Variants in CCSER1 observed in about 807,000 individuals in gnomAD.
CCSER1 encodes serine-rich coiled-coil domain-containing protein 1.
A neutral mutation model predicts 82.0 loss-of-function variants in CCSER1; 41 were observed. The observed-to-expected ratio is 0.50, with a 90% CI of 0.39 to 0.65. The LOEUF is 0.65. Ranked by LOEUF, CCSER1 falls within the 30% of genes least tolerant of loss-of-function variation. CCSER1 has a pLI of 0.00. For synonymous variants in CCSER1, 414 were observed against 383.9 expected (o/e 1.08, Z -0.92); for missense variants, 1,119 against 1,064.2 (o/e 1.05, Z -0.72).
At chr4:91,055,866 T>A (rs1903495) in intron 9 of CCSER1, among the ~76,000 whole-genome samples, 10,106 of 148,474 alleles carry the variant, frequency 0.068, 1,012 homozygotes, top group African/African-American at 0.22. Flanking sequence ...TCCCTTGTGC[T>A]CTGATCACTT....
chr4:90,261,867 T>C (rs546746220), intron 1 of CCSER1, among the ~76,000 whole-genome samples: 2 of 152,280 alleles, frequency 1.3e-5, no homozygotes, highest in East Asian at 3.9e-4. Flanking sequence ...TGAAATGTTT[T>C]CTTATACTTA....
intron 10 of CCSER1, among the ~76,000 whole-genome samples, chr4:91,204,181 C>T (rs1405240870): frequency 1.3e-5 from 2 of 151,680 alleles, no homozygotes; most frequent in Admixed American, 6.6e-5. Context: ...GGTCTCTGTC[C>T]TCAACGGGGT....
At chr4:90,200,949 T>C (rs1560787046) in intron 1 of CCSER1, among the ~76,000 whole-genome samples, 1 of 152,090 alleles carries the variant, frequency 6.6e-6, no homozygotes, top group Non-Finnish European at 1.5e-5. Context: ...ATCAGCAGCA[T>C]TTTTTATTTA....
intron 10 of CCSER1, among the ~76,000 whole-genome samples, chr4:91,229,654 T>C (rs796186170): frequency 1.7e-4 from 26 of 152,164 alleles, no homozygotes; most frequent in African/African-American, 5.8e-4. Context: ...ACTATGCACC[T>C]GTAAAAAAGA....
chr4:91,168,556 C>T (rs969123051), intron 10 of CCSER1, among the ~76,000 whole-genome samples: 1 of 148,876 alleles, frequency 6.7e-6, no homozygotes, highest in Non-Finnish European at 1.5e-5. Context: ...CCCGGCTGCC[C>T]ATCATCTGGG....
intron 8 of CCSER1, among the ~76,000 whole-genome samples, chr4:90,858,813 G>T (rs1157058526): frequency 6.6e-6 from 1 of 151,902 alleles, no homozygotes; most frequent in African/African-American, 2.4e-5. Flanking sequence ...CTTAGGAAAT[G>T]ATTCTGCCCT....
chr4:91,209,503 A>G (rs1046011898), intron 10 of CCSER1, among the ~76,000 whole-genome samples: 5 of 151,934 alleles, frequency 3.3e-5, no homozygotes, highest in Non-Finnish European at 7.4e-5. Flanking sequence ...TGTTTATGCG[A>G]TGAATCACAT....
chr4:91,576,707 T>C (rs1763468517), intron 10 of CCSER1, among the ~76,000 whole-genome samples: 1 of 152,000 alleles, frequency 6.6e-6, no homozygotes, highest in Non-Finnish European at 1.5e-5. Context: ...TTATACACTT[T>C]ATACACACAG....
chr4:91,215,836 A>G (rs1160077541), intron 10 of CCSER1, among the ~76,000 whole-genome samples: 1 of 152,200 alleles, frequency 6.6e-6, no homozygotes, highest in East Asian at 1.9e-4. Flanking sequence ...GATCTATGCT[A>G]TTATTAAAAT....
chr4:91,184,405 C>T (rs1734334054), intron 10 of CCSER1, among the ~76,000 whole-genome samples: 1 of 152,062 alleles, frequency 6.6e-6, no homozygotes, highest in Admixed American at 6.6e-5. Flanking sequence ...TATTAAAGGC[C>T]AATTTTTTGG....
intron 5 of CCSER1, among the ~76,000 whole-genome samples, chr4:90,549,379 A>G (rs1400601902): frequency 3.3e-5 from 5 of 152,210 alleles, no homozygotes; most frequent in African/African-American, 1.2e-4. Flanking sequence ...TGAAGAAAGT[A>G]AGAAGTGCCA....
intron 10 of CCSER1, among the ~76,000 whole-genome samples, chr4:91,433,201 C>T (rs892184361): frequency 2.6e-5 from 4 of 152,074 alleles, no homozygotes; most frequent in Admixed American, 6.6e-5. Context: ...AAAGTATAGT[C>T]GTGTGCCATG....
intron 7 of CCSER1, among the ~76,000 whole-genome samples, chr4:90,793,600 T>A (rs146898972): frequency 1.4e-3 from 211 of 152,338 alleles, no homozygotes; most frequent in African/African-American, 4.6e-3. Context: ...TGATTCCACG[T>A]CTTTGCCATT....
intron 10 of CCSER1, among the ~76,000 whole-genome samples, chr4:91,543,541 T>G (rs1353574680): frequency 6.6e-6 from 1 of 152,170 alleles, no homozygotes; most frequent in Non-Finnish European, 1.5e-5. Flanking sequence ...TAAAGGATTT[T>G]CTTTCTCTTT....
At chr4:90,264,688 CTT>C (rs33922965) in intron 1 of CCSER1, among the ~76,000 whole-genome samples, 4 of 151,148 alleles carry the variant, frequency 2.6e-5, no homozygotes, top group African/African-American at 4.9e-5. Flanking sequence ...GTCTAATACA[CTT>C]TTTTTTTTAT....
At chr4:90,156,877 A>G (rs1209481816) in intron 1 of CCSER1, among the ~76,000 whole-genome samples, 1 of 152,202 alleles carries the variant, frequency 6.6e-6, no homozygotes, top group South Asian at 2.1e-4. Context: ...AGTTACATTT[A>G]AAGTTAATAT....
At chr4:91,472,927 G>A (rs1480361349) in intron 10 of CCSER1, among the ~76,000 whole-genome samples, 1 of 152,128 alleles carries the variant, frequency 6.6e-6, no homozygotes, top group Non-Finnish European at 1.5e-5. Flanking sequence ...ACTGTCAAAG[G>A]AGCAGATAGG....
rs1316357628 is a variant in CCSER1 at position 91,600,292 on chromosome 4, T to A, written c.*1235T>A. 6.6e-6 allele frequency: 1 copy of A among 152,178 alleles called. No individual in the cohort carries two copies. Among genetic ancestry groups the A allele is most frequent in the Non-Finnish European group, 1.5e-5 (1 of 68,020 alleles). The allele number at this position is 152,178 out of a possible 1,614,324, so 9.4% of individuals were successfully genotyped here. ...AATTGATCTATGGATAATTCCATCA[T>A]GTTCAATTAGTAGCAGAGCAGAATC... On this transcript the variant is annotated 3_prime_UTR_variant, in exon 11 of 11. Transcript: ENST00000509176.
At chr4:90,787,191 A>T (rs1274948088) in intron 7 of CCSER1, among the ~76,000 whole-genome samples, 1 of 152,174 alleles carries the variant, frequency 6.6e-6, no homozygotes, top group Non-Finnish European at 1.5e-5. Flanking sequence ...CCTCCAGGAT[A>T]TGAGGTGGGA....
Sources: gnomAD v4.1 joint callset for allele counts (sites outside exome capture counted in the v4.1 genomes callset) on GRCh38, gnomAD v4.1.1 for gene constraint, MANE v1.5 for transcripts, NCBI Gene and HGNC (gene_info 2026-07-23, HGNC 2026-07-21) for gene names.